The following PHEX variants were observed in gnomAD, a reference collection of about 807,000 sequenced individuals.
PHEX encodes phosphate regulating endopeptidase X-linked.
In PHEX, 16 loss-of-function variants were observed where a neutral mutation model predicts 68.0. That is an observed-to-expected ratio of 0.24 (90% CI 0.16 to 0.36). The LOEUF is 0.36. PHEX is among the 10% of genes least tolerant of loss of function. PHEX has a pLI of 1.00. For missense variants in PHEX, 480 were observed against 575.5 expected, an observed-to-expected ratio of 0.83 and a Z score of 1.70; for synonymous variants, 208 against 205.1, an observed-to-expected ratio of 1.01 and a Z score of -0.12.
chrX:22,174,029 G>T (rs751779631), intron 13 of PHEX, among the ~76,000 whole-genome samples: 1 of 112,083 alleles, frequency 8.9e-6, no homozygotes, highest in Admixed American at 9.5e-5. Flanking sequence ...GGGTGGTGGT[G>T]GTGGTAATAA....
intron 14 of PHEX, 147 bp from the exon 15 acceptor site, chrX:22,190,297 A>G (rs886564581): frequency 3.6e-6 from 2 of 556,889 alleles, no homozygotes; most frequent in African/African-American, 2.2e-5. Context: ...AGTAGCCCCA[A>G]ACTGAGGGAA....
chrX:22,114,643 G>A (rs1437805716), intron 11 of PHEX, 57 bp downstream of exon 11: 6 of 1,069,898 alleles, frequency 5.6e-6, no homozygotes, highest in Non-Finnish European at 7.8e-6. Flanking sequence ...GATCTGACAA[G>A]GGTATATTCA....
chrX:22,138,171 G>A (rs770026397), intron 12 of PHEX, among the ~76,000 whole-genome samples: 6 of 112,897 alleles, frequency 5.3e-5, no homozygotes, highest in Non-Finnish European at 1.1e-4. Context: ...GTTTCTGGGG[G>A]ATTCCCAACT....
At chrX:22,179,311 A>T (rs1343419365) in intron 14 of PHEX, among the ~76,000 whole-genome samples, 1 of 110,765 alleles carries the variant, frequency 9.0e-6, no homozygotes, top group Non-Finnish European at 1.9e-5. Context: ...TAATTGTATT[A>T]TTATTTTTTT....
intron 15 of PHEX, among the ~76,000 whole-genome samples, chrX:22,191,855 G>A (rs759891166): frequency 6.2e-5 from 7 of 112,071 alleles, no homozygotes; most frequent in African/African-American, 1.9e-4. Flanking sequence ...TTCACACAAA[G>A]GAATACCATA....
chrX:22,057,515 G>C (rs1441787806), intron 3 of PHEX, among the ~76,000 whole-genome samples: 2 of 110,443 alleles, frequency 1.8e-5, no homozygotes, highest in African/African-American at 3.3e-5. Context: ...CACTTGAGCT[G>C]GGGAGGCCAA....
rs752193046 is a variant in PHEX, at chrX:22,216,920, T to C, written c.1701-2116T>C. 2.7e-5 allele frequency among the ~76,000 whole-genome samples: 3 copies of C among 112,328 alleles called. 1 individual carries two copies. In the East Asian group the frequency reaches 8.3e-4, roughly 31 times the overall value. On this transcript the variant is annotated intron_variant, in intron 16 of 21. Transcript: ENST00000379374. Reference sequence around the variant, plus strand: ...GTCAGGCTTAGTCATATAAAATTACTTTTTCTTTGTCTCTTGTCCAAAGGA... The same window carrying C: ...GTCAGGCTTAGTCATATAAAATTACCTTTTCTTTGTCTCTTGTCCAAAGGA...
chrX:22,234,984 T>A (rs1464982644), intron 20 of PHEX, among the ~76,000 whole-genome samples: 1 of 112,008 alleles, frequency 8.9e-6, no homozygotes, highest in African/African-American at 3.2e-5. Flanking sequence ...AATCTCCTCC[T>A]GTTCTGCAGG....
intron 9 of PHEX, among the ~76,000 whole-genome samples, chrX:22,110,203 A>T (rs1420318882): frequency 2.7e-5 from 3 of 112,169 alleles, no homozygotes; most frequent in Non-Finnish European, 5.6e-5. Context: ...AAAATGACAG[A>T]TAATGAAATC....
At chrX:22,196,212 G>T (rs1010494264) in intron 15 of PHEX, among the ~76,000 whole-genome samples, 26 of 111,903 alleles carry the variant, frequency 2.3e-4, no homozygotes, top group Non-Finnish European at 4.5e-4. Flanking sequence ...TTTACTGTAT[G>T]TTAAGTGACA....
intron 13 of PHEX, among the ~76,000 whole-genome samples, chrX:22,175,294 G>A (rs1446155243): frequency 1.2e-4 from 13 of 110,129 alleles, no homozygotes; most frequent in African/African-American, 4.3e-4. Flanking sequence ...GTTCTGGTAG[G>A]TCCTTACTTA....
intron 20 of PHEX, among the ~76,000 whole-genome samples, chrX:22,236,638 A>T (rs1156782571): frequency 8.9e-6 from 1 of 112,903 alleles, no homozygotes; most frequent in African/African-American, 3.2e-5. Context: ...ACATTCCTTC[A>T]TTTATTCATG....
At chrX:22,056,382 C>T (rs954847503) in intron 3 of PHEX, among the ~76,000 whole-genome samples, 1 of 110,918 alleles carries the variant, frequency 9.0e-6, no homozygotes, top group African/African-American at 3.3e-5. Context: ...TCCACCATGT[C>T]GTATTTCCTT....
intron 6 of PHEX, among the ~76,000 whole-genome samples, chrX:22,092,749 C>CTCTTTTTT (rs1929948515): frequency 1.3e-5 from 1 of 77,953 alleles, no homozygotes; most frequent in African/African-American, 5.6e-5. Context: ...TTCTTTCTTT[C>CTCTTTTTT]TTTTTTTTTT....
Position 22,076,417 on chromosome X carries a change from C to A in PHEX, c.379C>A (p.Arg127=). The change falls in exon 4 of 22, where the codon CGG becomes AGG. Residue 127 remains arginine, a synonymous_variant. Transcript: ENST00000379374. ...ELLEKSISRR[R]DTEAIQKAKI... ...TTTGGAGAAATCAATCAGTAGAAGG[C>A]GGGACACCGAAGCCATACAGAAAGC... 2 of 1,208,210 alleles carry A rather than the reference C, an allele frequency of 1.7e-6. No individual in the cohort carries two copies. Among genetic ancestry groups the A allele is most frequent in the African/African-American group, 1.7e-5 (1 of 57,686 alleles).
chrX:22,074,921 C>CA, intron 3 of PHEX, among the ~76,000 whole-genome samples: 1 of 109,726 alleles, frequency 9.1e-6, no homozygotes, highest in African/African-American at 3.3e-5. Context: ...ACTAAAAATA[C>CA]AAAAAATTAG....
intron 3 of PHEX, among the ~76,000 whole-genome samples, chrX:22,070,043 T>A (rs1330895057): frequency 1.8e-5 from 2 of 110,950 alleles, no homozygotes; most frequent in African/African-American, 3.3e-5. Flanking sequence ...GGAAACCAAA[T>A]TGAAATCTGT....
intron 12 of PHEX, among the ~76,000 whole-genome samples, chrX:22,166,931 T>C (rs779233715): frequency 8.9e-6 from 1 of 112,314 alleles, no homozygotes; most frequent in South Asian, 3.7e-4. Flanking sequence ...TTCATCCACG[T>C]TGTCACAAAT....
At chrX:22,080,645 T>G in intron 5 of PHEX, among the ~76,000 whole-genome samples, 1 of 111,402 alleles carries the variant, frequency 9.0e-6, no homozygotes, top group East Asian at 2.8e-4. Flanking sequence ...AGACAAAATC[T>G]AATTGGATGA....
Sources: gnomAD v4.1 joint callset for allele counts (sites outside exome capture counted in the v4.1 genomes callset) on GRCh38, gnomAD v4.1.1 for gene constraint, MANE v1.5 for transcripts, NCBI Gene and HGNC (gene_info 2026-07-23, HGNC 2026-07-21) for gene names.